Variants in RHOBTB1 observed in about 807,000 individuals in gnomAD.
The protein encoded by RHOBTB1 is rho-related BTB domain-containing protein 1.
In RHOBTB1, 40 loss-of-function variants were observed where a neutral mutation model predicts 71.6. The ratio of observed to expected loss-of-function variants is 0.56; its 90% CI spans 0.43 to 0.73. The LOEUF (loss-of-function observed/expected upper bound fraction) is 0.73. Ranked by LOEUF, RHOBTB1 falls within the 30% of genes least tolerant of loss-of-function variation. The probability of loss-of-function intolerance (pLI) is 0.00; values close to 1 mark genes in which losing one functional copy is unlikely to be tolerated. For missense variants in RHOBTB1, 797 were observed against 894.0 expected (o/e 0.89, Z 1.38); for synonymous variants, 319 against 334.9 (o/e 0.95, Z 0.52).
In RHOBTB1 at chr10:60,875,002, A is replaced by G; in HGVS notation, c.1767T>C (p.Ser589=). The change falls in exon 9 of 11, where the codon AGT becomes AGC. Residue 589 remains serine, a synonymous_variant. Transcript: ENST00000337910. Reference sequence around the variant, plus strand: ...GCACTTCTCCGTCAATGCCCACGCCACTCGTGGCGGCTTTGGTCAACTCCT... The same window carrying G: ...GCACTTCTCCGTCAATGCCCACGCCGCTCGTGGCGGCTTTGGTCAACTCCT... ...AVQELTKAAT[S]GVGIDGEVLS... 6.2e-7 allele frequency: 1 copy of G among 1,614,090 alleles called. No homozygotes were observed.
chr10:60,965,529 T>C (rs1027018761), intron 2 of RHOBTB1, among the ~76,000 whole-genome samples: 2 of 152,148 alleles, frequency 1.3e-5, no homozygotes, highest in African/African-American at 4.8e-5. Context: ...AGGTGTTCAA[T>C]ACATATTTGT....
intron 4 of RHOBTB1, among the ~76,000 whole-genome samples, chr10:60,906,295 T>C (rs1443171087): frequency 6.6e-6 from 1 of 152,242 alleles, no homozygotes; most frequent in East Asian, 1.9e-4. Flanking sequence ...CATGCTCCGC[T>C]ACTTAATGGA....
In RHOBTB1 at chr10:60,934,544, C is replaced by A. The variant is rs191737361; in HGVS notation, c.-11+7260G>T. ...TTCAGTAGTCATGTCAGAAGAGAGT[C>A]CCTGGTCTACTTCAAATAAATAGAG... On this transcript the variant is annotated intron_variant, in intron 2 of 10. Transcript: ENST00000337910. 1.7e-3 allele frequency among the ~76,000 whole-genome samples: 265 copies of A among 152,278 alleles called. 1 individual carries two copies. Among genetic ancestry groups the A allele is most frequent in the African/African-American group, 6.2e-3 (256 of 41,562 alleles).
chr10:60,875,324 C>A (rs552413040), intron 8 of RHOBTB1, among the ~76,000 whole-genome samples: 4 of 152,168 alleles, frequency 2.6e-5, no homozygotes, highest in African/African-American at 4.8e-5. Context: ...GATGATAACT[C>A]CTGGCCACAC....
At chr10:60,964,518 C>T (rs971255904) in intron 2 of RHOBTB1, among the ~76,000 whole-genome samples, 1 of 152,142 alleles carries the variant, frequency 6.6e-6, no homozygotes, top group Non-Finnish European at 1.5e-5. Flanking sequence ...TTTTCTAAGG[C>T]CACCTGCTTT....
At chr10:60,896,345 T>C (rs1357638888) in intron 4 of RHOBTB1, among the ~76,000 whole-genome samples, 1 of 152,246 alleles carries the variant, frequency 6.6e-6, no homozygotes, top group Non-Finnish European at 1.5e-5. Context: ...GTGAGTGTGA[T>C]GAGGACATTC....
At chr10:60,879,004 T>C (rs2081180657) in intron 7 of RHOBTB1, among the ~76,000 whole-genome samples, 2 of 152,366 alleles carry the variant, frequency 1.3e-5, no homozygotes, top group South Asian at 2.1e-4. Context: ...CACCAGGCAC[T>C]GCACTAAGAT....
intron 2 of RHOBTB1, among the ~76,000 whole-genome samples, chr10:60,959,089 C>T (rs1198846502): frequency 6.6e-6 from 1 of 152,020 alleles, no homozygotes; most frequent in Admixed American, 6.6e-5. Context: ...AGTCATAAAT[C>T]ACCACATTAG....
intron 2 of RHOBTB1, among the ~76,000 whole-genome samples, chr10:60,935,483 C>T (rs896333440): frequency 2.0e-5 from 3 of 151,964 alleles, no homozygotes; most frequent in South Asian, 2.1e-4. Context: ...TCAATAAAAA[C>T]GTTTTTAGTT....
At chr10:60,880,897 G>C (rs1460025090) in intron 7 of RHOBTB1, among the ~76,000 whole-genome samples, 26 of 152,170 alleles carry the variant, frequency 1.7e-4, no homozygotes, top group Admixed American at 1.7e-3. Flanking sequence ...ATACAAATTT[G>C]TTTCTGTGTG....
rs566098008 is a variant in RHOBTB1, at chr10:60,886,139, C to A, written c.1548G>T (p.Gly516=). The change falls in exon 7 of 11, where the codon GGG becomes GGT. Residue 516 remains glycine, a synonymous_variant. Transcript: ENST00000337910. ...CACTGTTGGCACTTTCCACAAATGA[C>A]CCCCCGAACATGGCTGCCATCCACT... ...SCEWMAAMFG[G]SFVESANSEV... is the part of the protein sequence containing the mutation. 9.2e-5 allele frequency: 149 copies of A among 1,613,712 alleles called. 2 individuals carry two copies. In the East Asian group the frequency reaches 3.3e-3, roughly 35 times the overall value.
At chr10:60,977,631 C>T (rs549427099) in intron 2 of RHOBTB1, among the ~76,000 whole-genome samples, 1 of 152,148 alleles carries the variant, frequency 6.6e-6, no homozygotes, top group African/African-American at 2.4e-5. Flanking sequence ...AATCTCAATA[C>T]ATCTTTTCTG....
intron 4 of RHOBTB1, among the ~76,000 whole-genome samples, chr10:60,900,051 C>T (rs948118930): frequency 3.9e-5 from 6 of 152,106 alleles, no homozygotes; most frequent in African/African-American, 7.2e-5. Context: ...CCTGTGGTGC[C>T]CTCCTGGAGG....
chr10:60,916,318 C>T (rs1262014033), intron 2 of RHOBTB1, among the ~76,000 whole-genome samples: 1 of 152,184 alleles, frequency 6.6e-6, no homozygotes, highest in Admixed American at 6.5e-5. Flanking sequence ...CTGCCAATGG[C>T]TGTCACCAAG....
chr10:60,944,815 T>C (rs977633622), upstream of RHOBTB1, among the ~76,000 whole-genome samples: 4 of 152,134 alleles, frequency 2.6e-5, no homozygotes, highest in African/African-American at 9.7e-5. Context: ...GCTCCTCCAC[T>C]CTGGGTTACC....
At chr10:60,884,104 G>A (rs1430592237) in intron 7 of RHOBTB1, among the ~76,000 whole-genome samples, 1 of 152,152 alleles carries the variant, frequency 6.6e-6, no homozygotes, top group South Asian at 2.1e-4. Context: ...CCTTTTGCTG[G>A]GGGGTTGGTT....
intron 1 of RHOBTB1, among the ~76,000 whole-genome samples, chr10:60,993,602 C>T (rs1589479153): frequency 6.6e-6 from 1 of 152,208 alleles, no homozygotes; most frequent in East Asian, 1.9e-4. Context: ...ATGAATCTCT[C>T]TCATGGCCCT....
At chr10:60,895,824 G>T (rs1219002789) in intron 4 of RHOBTB1, among the ~76,000 whole-genome samples, 1 of 152,234 alleles carries the variant, frequency 6.6e-6, no homozygotes, top group Non-Finnish European at 1.5e-5. Context: ...TATTCTTAAG[G>T]TCTGCCATAT....
the RHOBTB1 span, among the ~76,000 whole-genome samples, chr10:60,862,553 TC>T: frequency 3.4e-4 from 50 of 146,278 alleles, no homozygotes; most frequent in African/African-American, 1.2e-3. Context: ...TTTCTTTCTT[TC>T]CTTTCTTCTT....
Sources: allele counts gnomAD v4.1 joint callset (sites outside exome capture counted in the v4.1 genomes callset), GRCh38; gene constraint gnomAD v4.1.1; transcripts MANE v1.5; gene names NCBI Gene and HGNC (gene_info 2026-07-23, HGNC 2026-07-21).